Variants in GPC5 observed in about 807,000 individuals in gnomAD.
GPC5 encodes glypican-5.
In GPC5, 47 loss-of-function variants were observed where a neutral mutation model predicts 53.9. The observed-to-expected ratio is 0.87, with a 90% CI of 0.69 to 1.11. The LOEUF (loss-of-function observed/expected upper bound fraction) is 1.11, where lower values mean the gene tolerates loss of function less well. Among genes scored for constraint, GPC5 ranks in the 50% most tolerant of loss-of-function variants. GPC5 has a pLI of 0.00. For missense variants in GPC5, 748 were observed against 713.1 expected, an observed-to-expected ratio of 1.05 and a Z score of -0.56; for synonymous variants, 286 against 263.3, an observed-to-expected ratio of 1.09 and a Z score of -0.84.
At chr13:92,107,649 C>T (rs2138921831) in intron 6 of GPC5, among the ~76,000 whole-genome samples, 1 of 152,164 alleles carries the variant, frequency 6.6e-6, no homozygotes, top group African/African-American at 2.4e-5. Flanking sequence ...ATATTTGTTG[C>T]TCTGTATGGA....
At chr13:92,447,309 T>C (rs189599162) in intron 7 of GPC5, 1 of 152,244 alleles carries the variant, frequency 6.6e-6, no homozygotes, top group Non-Finnish European at 1.5e-5. Context: ...TTTATTTTGG[T>C]AAATGTTGAG....
chr13:91,773,890 G>A (rs923056048), intron 5 of GPC5, among the ~76,000 whole-genome samples: 1 of 151,972 alleles, frequency 6.6e-6, no homozygotes, highest in Non-Finnish European at 1.5e-5. Flanking sequence ...TGTGTCTTTT[G>A]GGAGCTATTC....
intron 7 of GPC5, among the ~76,000 whole-genome samples, chr13:92,453,958 C>G (rs1157888235): frequency 6.6e-6 from 1 of 152,158 alleles, no homozygotes; most frequent in African/African-American, 2.4e-5. Flanking sequence ...CGCAAAATGT[C>G]TGATTTTATC....
At chr13:92,588,798 T>A (rs1883625383) in intron 7 of GPC5, among the ~76,000 whole-genome samples, 1 of 152,258 alleles carries the variant, frequency 6.6e-6, no homozygotes, top group South Asian at 2.1e-4. Flanking sequence ...ATAGAGGAGG[T>A]ATTAGTTCCA....
intron 7 of GPC5, among the ~76,000 whole-genome samples, chr13:92,462,914 C>G (rs1878551209): frequency 6.6e-6 from 1 of 151,954 alleles, no homozygotes; most frequent in Non-Finnish European, 1.5e-5. Context: ...TGGGGTTTCT[C>G]CATGTTGGTC....
At position 91,860,490 on chromosome 13, in the gene GPC5, CTCTT is replaced by C. The variant is rs543950422; in HGVS notation, c.1281-47430_1281-47427del. Among the ~76,000 whole-genome samples, 55 of 98,726 alleles carry C rather than the reference CTCTT, an allele frequency of 5.6e-4. 1 individual carries two copies. Among genetic ancestry groups the C allele is most frequent in the African/African-American group, 6.9e-4 (15 of 21,770 alleles). The allele number at this position is 98,726 out of a possible 152,430, so 64.8% of individuals were successfully genotyped here. On this transcript the variant is annotated intron_variant, in intron 5 of 7. Coordinates refer to ENST00000377067, the MANE Select transcript of GPC5 (RefSeq NM_004466.6). Reference sequence around the variant, plus strand: ...CCTTCCTGCCTTCCTTCCTTCCTTCCTCTTTCTTTCTTTCTTTCTTCTTTTTCTT... The same window carrying C: ...CCTTCCTGCCTTCCTTCCTTCCTTCCTCTTTCTTTCTTTCTTCTTTTTCTT...
At chr13:92,711,066 T>A (rs1035950552) in intron 7 of GPC5, among the ~76,000 whole-genome samples, 1 of 152,190 alleles carries the variant, frequency 6.6e-6, no homozygotes, top group Non-Finnish European at 1.5e-5. Context: ...GTCCCACTTC[T>A]TAACAGTGAT....
intron 7 of GPC5, among the ~76,000 whole-genome samples, chr13:92,257,797 G>T (rs2042738338): frequency 6.6e-6 from 1 of 151,792 alleles, no homozygotes; most frequent in Non-Finnish European, 1.5e-5. Flanking sequence ...TGATCCGCCT[G>T]CCTCAGCCTC....
intron 7 of GPC5, among the ~76,000 whole-genome samples, chr13:92,261,854 A>G (rs1016908): frequency 0.36 from 54,383 of 152,036 alleles, 10,590 homozygotes; most frequent in African/African-American, 0.52. Flanking sequence ...TAAATATTGC[A>G]TAAAACATAG....
chr13:92,786,569 G>C (rs1419835699), intron 7 of GPC5, among the ~76,000 whole-genome samples: 1 of 152,082 alleles, frequency 6.6e-6, no homozygotes, highest in Non-Finnish European at 1.5e-5. Flanking sequence ...ATACTAGAAA[G>C]GATGTACTAG....
chr13:92,369,585 A>G (rs1016861308), intron 7 of GPC5, among the ~76,000 whole-genome samples: 8 of 152,232 alleles, frequency 5.3e-5, no homozygotes, highest in African/African-American at 1.9e-4. Flanking sequence ...TACAGTGGAG[A>G]TGAATATTAC....
At chr13:92,093,008 A>T (rs1483748355) in intron 6 of GPC5, among the ~76,000 whole-genome samples, 1 of 152,162 alleles carries the variant, frequency 6.6e-6, no homozygotes, top group Admixed American at 6.5e-5. Flanking sequence ...CATGGACAGG[A>T]ATTATTTGCA....
chr13:92,219,934 A>G (rs2042436952), intron 7 of GPC5, among the ~76,000 whole-genome samples: 1 of 152,082 alleles, frequency 6.6e-6, no homozygotes, highest in Non-Finnish European at 1.5e-5. Context: ...GGTGGTGTGT[A>G]CTTTCATTTT....
At chr13:91,501,003 T>C (rs1244981002) in intron 2 of GPC5, among the ~76,000 whole-genome samples, 2 of 152,154 alleles carry the variant, frequency 1.3e-5, no homozygotes, top group African/African-American at 2.4e-5. Flanking sequence ...TCTGCCGTGA[T>C]TGGGAGGCCT....
intron 5 of GPC5, among the ~76,000 whole-genome samples, chr13:91,883,102 G>T (rs2039284974): frequency 6.6e-6 from 1 of 152,116 alleles, no homozygotes; most frequent in Non-Finnish European, 1.5e-5. Context: ...CTAGTCAGCT[G>T]GCAAACAAGC....
At chr13:91,400,436 T>C (rs1876849902) in intron 1 of GPC5, among the ~76,000 whole-genome samples, 1 of 152,238 alleles carries the variant, frequency 6.6e-6, no homozygotes, top group African/African-American at 2.4e-5. Context: ...GCTTTTTCTG[T>C]ATTACTTGAA....
At chr13:91,432,207 GTGTGTGTGTGTGTGTGTGT>G (rs1879523510) in intron 1 of GPC5, among the ~76,000 whole-genome samples, 1 of 121,546 alleles carries the variant, frequency 8.2e-6, no homozygotes, top group Non-Finnish European at 1.7e-5. Flanking sequence ...CTGCTGCTGT[GTGTGTGTGTGTGTGTGTGT>G]GTGTGTGTGT....
chr13:91,983,340 T>G (rs2040377772), intron 6 of GPC5, among the ~76,000 whole-genome samples: 1 of 119,962 alleles, frequency 8.3e-6, no homozygotes, highest in Admixed American at 8.1e-5. Flanking sequence ...AGCCAGACCC[T>G]GTCTCAAAAA....
At chr13:92,316,435 C>T (rs190542657) in intron 7 of GPC5, among the ~76,000 whole-genome samples, 1 of 152,184 alleles carries the variant, frequency 6.6e-6, no homozygotes, top group African/African-American at 2.4e-5. Context: ...TTTGTACACT[C>T]ATATATTTAC....
Sources: allele counts gnomAD v4.1 joint callset (sites outside exome capture counted in the v4.1 genomes callset), GRCh38; gene constraint gnomAD v4.1.1; transcripts MANE v1.5; gene names NCBI Gene and HGNC (gene_info 2026-07-23, HGNC 2026-07-21).